The following POGZ variants were observed in gnomAD, a reference collection of about 807,000 sequenced individuals.
POGZ encodes the protein pogo transposable element with ZNF domain.
Under a neutral mutation model 134.6 loss-of-function variants are expected in POGZ, and 17 were observed. The ratio of observed to expected loss-of-function variants is 0.13; its 90% confidence interval spans 0.09 to 0.19. The LOEUF (loss-of-function observed/expected upper bound fraction) is 0.19. Among genes scored for constraint, POGZ ranks in the 10% least tolerant of loss-of-function variants. POGZ has a pLI of 1.00. For missense variants in POGZ, 1,306 were observed against 1,769.7 expected, an observed-to-expected ratio of 0.74 and a Z score of 4.70; for synonymous variants, 693 against 657.1, an observed-to-expected ratio of 1.05 and a Z score of -0.84.
Position 151,405,404 on chromosome 1 carries a change from G to C in POGZ, c.3631C>G (p.Arg1211Gly). The C allele has an allele frequency of 6.2e-7, 1 of 1,614,086 alleles. No individual in the cohort carries two copies. The highest frequency in any genetic ancestry group is 8.5e-7 in the Non-Finnish European group (1 of 1,179,956). Reference sequence around the variant, plus strand: ...CAAGCTGTGTGCTTCTGCCACACTCGAGTTGACCACAGCTCCATGATCTCG... The same window carrying C: ...CAAGCTGTGTGCTTCTGCCACACTCCAGTTGACCACAGCTCCATGATCTCG... ...DDEIMELWST[R>G]VWQKHTACQR... Residue 1211 changes from arginine to glycine, a missense_variant, in exon 19 of 19, where the codon CGA (arginine) becomes GGA (glycine). Physicochemically the swap from Arg to Gly is moderately radical, Grantham distance 125. Around this residue, in one of 10 missense-constraint regions of POGZ, gnomAD observed 161 missense variants for 185.4 expected, o/e 0.87. Coordinates refer to ENST00000271715, the MANE Select transcript of POGZ (RefSeq NM_015100.4). This position sits in a 1 kb window ranked among gnomAD's most constrained non-coding sequence, Gnocchi z 4.9.
In POGZ at chr1:151,406,288, G is replaced by C; in HGVS notation, c.2747C>G (p.Thr916Ser). ...CGGGTGAGTGGGGGTTGGTGGTGGG[G>C]TTGCAGTTGAGGCTGGTGATGGGAG... ...PALPSPASTATPPPTPTHPQA... is the reference protein window; with the variant it reads ...PALPSPASTASPPPTPTHPQA... Residue 916 changes from threonine to serine, a missense_variant, in exon 19 of 19, where the codon ACC becomes AGC. Transcript: ENST00000271715. 1 of 1,611,954 alleles carries C rather than the reference G, an allele frequency of 6.2e-7. No homozygotes were observed. Among genetic ancestry groups the C allele is most frequent in the Non-Finnish European group, 8.5e-7 (1 of 1,178,660 alleles).
chr1:151,415,339 G>A (rs970870121), intron 10 of POGZ, among the ~76,000 whole-genome samples: 11 of 152,108 alleles, frequency 7.2e-5, no homozygotes, highest in African/African-American at 2.7e-4. Flanking sequence ...AGGAAGTGGA[G>A]GTAACAATGC....
Position 151,417,807 on chromosome 1 carries a change from T to C in POGZ, c.1679-5411A>G, listed in dbSNP as rs183009311. ...CATGATGTCTACAATTAACAAACAA[T>C]TCAGAAAATAAAAGGAAAAAAATCC... On this transcript the variant is annotated intron_variant, in intron 10 of 18. Transcript: ENST00000271715. 1.1e-3 allele frequency among the ~76,000 whole-genome samples: 168 copies of C among 151,366 alleles called. 1 individual carries two copies. Among genetic ancestry groups the C allele is most frequent in the Non-Finnish European group, 1.8e-3 (125 of 67,868 alleles).
At chr1:151,436,484 C>G (rs1429134965) in intron 3 of POGZ, among the ~76,000 whole-genome samples, 1 of 151,952 alleles carries the variant, frequency 6.6e-6, no homozygotes, top group African/African-American at 2.4e-5. Context: ...CCTCTTGTTG[C>G]CCAGGCTGGA....
chr1:151,440,834 G>T, intron 3 of POGZ, 94 bp downstream of exon 3: 1 of 987,390 alleles, frequency 1.0e-6, no homozygotes, highest in Non-Finnish European at 1.6e-6. Flanking sequence ...AACCACATCT[G>T]TACCTAACTA....
At position 151,405,663 on chromosome 1, in the gene POGZ, A is replaced by G. The variant is rs377244597; in HGVS notation, c.3372T>C (p.Ala1124=). Residue 1124 remains alanine, a synonymous_variant, in exon 19 of 19, where the codon GCT becomes GCC. Transcript: ENST00000271715. This position sits in a 1 kb window ranked among gnomAD's most constrained non-coding sequence, Gnocchi z 4.9. ...NQDLPLSMIV[A]IDEISLFLDT... ...CCAGGAACAAAGAGATCTCATCAATAGCCACAATCATAGACAAGGGTAAGT... is the reference window on the plus strand; with the variant it reads ...CCAGGAACAAAGAGATCTCATCAATGGCCACAATCATAGACAAGGGTAAGT... 1 of 1,614,094 alleles carries G rather than the reference A, an allele frequency of 6.2e-7. No individual in the cohort carries two copies. The highest frequency in any genetic ancestry group is 1.3e-5 in the African/African-American group (1 of 74,946).
intron 15 of POGZ, 94 bp downstream of exon 15, chr1:151,408,006 T>C (rs1217123734): frequency 2.1e-6 from 2 of 968,606 alleles, no homozygotes; most frequent in South Asian, 1.8e-5. Context: ...AGTGAGACCC[T>C]GTCTTCAAAA....
chr1:151,454,571 A>G (rs969461777), intron 1 of POGZ, among the ~76,000 whole-genome samples: 2 of 152,146 alleles, frequency 1.3e-5, no homozygotes, highest in Non-Finnish European at 2.9e-5. Flanking sequence ...GAAACACCCA[A>G]ATATTTAGTT....
At chr1:151,416,611 A>C (rs1655751926) in intron 10 of POGZ, among the ~76,000 whole-genome samples, 1 of 147,678 alleles carries the variant, frequency 6.8e-6, no homozygotes, top group African/African-American at 2.5e-5. Flanking sequence ...TAAAAATGTA[A>C]TACTACTTTT....
At chr1:151,418,671 G>C (rs911842223) in intron 10 of POGZ, among the ~76,000 whole-genome samples, 2 of 152,098 alleles carry the variant, frequency 1.3e-5, no homozygotes, top group African/African-American at 4.8e-5. Flanking sequence ...ATGTATATTA[G>C]ATTATCACAT....
intron 1 of POGZ, among the ~76,000 whole-genome samples, chr1:151,449,757 G>A (rs1372072938): frequency 6.6e-6 from 1 of 151,924 alleles, no homozygotes; most frequent in Non-Finnish European, 1.5e-5. Context: ...TTAGCCAGGC[G>A]TGGTGGCGGC....
intron 3 of POGZ, 97 bp downstream of exon 3, chr1:151,440,831 T>A: frequency 1.0e-6 from 1 of 959,390 alleles, no homozygotes; most frequent in South Asian, 1.5e-5. Flanking sequence ...TAGAACCACA[T>A]CTGTACCTAA....
intron 7 of POGZ, 52 bp from the exon 8 acceptor site, chr1:151,425,113 G>T: frequency 1.0e-6 from 1 of 961,016 alleles, no homozygotes; most frequent in Non-Finnish European, 1.6e-6. Flanking sequence ...ACTGGAAAAA[G>T]ATTACTGACC....
chr1:151,419,419 G>A (rs1656441916), intron 10 of POGZ, among the ~76,000 whole-genome samples: 1 of 151,784 alleles, frequency 6.6e-6, no homozygotes, highest in Non-Finnish European at 1.5e-5. Flanking sequence ...AGGCTGAGGT[G>A]GGTGGATTGC....
At position 151,423,575 on chromosome 1, in the gene POGZ, G is replaced by A. The variant is rs765169919; in HGVS notation, c.1524-24C>T. 5 of 1,568,414 alleles carry A rather than the reference G, an allele frequency of 3.2e-6. No individual in the cohort carries two copies. In the East Asian group the frequency reaches 9.0e-5, roughly 28 times the overall value. ...ATCTGTAATAAAGCACAAAGAGAAAGTACAGAAAACATAAAAAATTGGTAG... is the reference window on the plus strand; with the variant it reads ...ATCTGTAATAAAGCACAAAGAGAAAATACAGAAAACATAAAAAATTGGTAG... On this transcript the variant is annotated intron_variant, in intron 9 of 18. Coordinates refer to ENST00000271715, the MANE Select transcript of POGZ (RefSeq NM_015100.4).
chr1:151,411,218 A>C (rs958547097), intron 12 of POGZ, among the ~76,000 whole-genome samples: 7 of 152,210 alleles, frequency 4.6e-5, no homozygotes, highest in African/African-American at 1.7e-4. Context: ...CCCTACACTG[A>C]ATCTCTCTCA....
At chr1:151,440,026 A>C (rs1203770226) in intron 3 of POGZ, among the ~76,000 whole-genome samples, 2 of 152,208 alleles carry the variant, frequency 1.3e-5, no homozygotes, top group Admixed American at 1.3e-4. Flanking sequence ...AAAGGCAGGC[A>C]GAGTAATGTA....
chr1:151,410,538 T>C (rs1020121231), intron 12 of POGZ, among the ~76,000 whole-genome samples: 2 of 149,446 alleles, frequency 1.3e-5, no homozygotes, highest in Admixed American at 6.6e-5. Flanking sequence ...ACTATGGTGG[T>C]TGCTTTATAG....
intron 8 of POGZ, chr1:151,424,521 A>C: frequency 2.6e-6 from 1 of 391,588 alleles, no homozygotes; most frequent in Non-Finnish European, 4.5e-6. Flanking sequence ...AGGTCCCTTA[A>C]TCATTAGTAT....
Sources: gnomAD v4.1 joint callset for allele counts (sites outside exome capture counted in the v4.1 genomes callset) on GRCh38, gnomAD v4.1.1 for gene constraint, gnomAD v4.1.1 regional missense constraint, Gnocchi (gnomAD v3.1) non-coding constraint, MANE v1.5 for transcripts, NCBI Gene and HGNC (gene_info 2026-07-23, HGNC 2026-07-21) for gene names.